Variants in MCPH1 observed in about 807,000 individuals in gnomAD.
The protein encoded by MCPH1 is microcephalin.
In MCPH1, 104 loss-of-function variants were observed where a neutral mutation model predicts 84.5. The ratio of observed to expected loss-of-function variants is 1.23; its 90% CI spans 1.05 to 1.45. MCPH1 has a LOEUF of 1.45. Among genes scored for constraint, MCPH1 ranks in the 40% most tolerant of loss-of-function variants. The pLI, the probability that MCPH1 is intolerant of heterozygous loss-of-function variation, is 0.00. For synonymous variants in MCPH1, 514 were observed against 366.8 expected (o/e 1.40, Z -4.58); for missense variants, 1,498 against 1,005.7 (o/e 1.49, Z -6.62).
At chr8:6,539,084 G>C (rs184134824) in intron 12 of MCPH1, among the ~76,000 whole-genome samples, 5 of 152,254 alleles carry the variant, frequency 3.3e-5, no homozygotes, top group African/African-American at 1.2e-4. Flanking sequence ...AAGCAGCTGT[G>C]TACTCAGCAG....
intron 12 of MCPH1, chr8:6,502,964 A>G (rs1470280273): frequency 2.1e-6 from 2 of 958,624 alleles, no homozygotes; most frequent in Non-Finnish European, 3.1e-6. Flanking sequence ...TCTAATCTGG[A>G]GCATGTGGGT....
intron 13 of MCPH1, among the ~76,000 whole-genome samples, chr8:6,630,364 C>T (rs1008546442): frequency 6.6e-6 from 1 of 152,086 alleles, no homozygotes; most frequent in African/African-American, 2.4e-5. Context: ...GCATGATGAA[C>T]AATTTAATAC....
At chr8:6,526,839 G>C (rs1268175872) in intron 12 of MCPH1, among the ~76,000 whole-genome samples, 1 of 152,168 alleles carries the variant, frequency 6.6e-6, no homozygotes, top group Non-Finnish European at 1.5e-5. Context: ...TTTGTCCCAA[G>C]TGGAACAGAC....
intron 11 of MCPH1, among the ~76,000 whole-genome samples, chr8:6,488,557 G>A (rs1266197690): frequency 5.3e-5 from 8 of 151,948 alleles, no homozygotes; most frequent in African/African-American, 1.2e-4. Flanking sequence ...TTTAATTTTC[G>A]AAAGGTGCTA....
At chr8:6,636,388 CA>C (rs1797559140) in intron 13 of MCPH1, among the ~76,000 whole-genome samples, 1 of 151,782 alleles carries the variant, frequency 6.6e-6, no homozygotes, top group African/African-American at 2.4e-5. Context: ...GCCACACAAC[CA>C]CTGATTGTCC....
At chr8:6,482,354 A>G (rs1457961241) in intron 11 of MCPH1, among the ~76,000 whole-genome samples, 1 of 152,210 alleles carries the variant, frequency 6.6e-6, no homozygotes, top group Non-Finnish European at 1.5e-5. Flanking sequence ...TACTATATAT[A>G]TAGGGTTCAG....
At chr8:6,448,936 CTG>C (rs1804739204) in intron 8 of MCPH1, among the ~76,000 whole-genome samples, 1 of 151,990 alleles carries the variant, frequency 6.6e-6, no homozygotes, top group African/African-American at 2.4e-5. Flanking sequence ...TTTATTGACA[CTG>C]GAATACATTT....
At chr8:6,555,076 G>A (rs137944938) in intron 12 of MCPH1, among the ~76,000 whole-genome samples, 45 of 152,034 alleles carry the variant, frequency 3.0e-4, no homozygotes, top group Middle Eastern at 6.8e-3. Context: ...TCCAACAAAT[G>A]GTTCATACTG....
At chr8:6,534,348 G>A (rs1162287266) in intron 12 of MCPH1, among the ~76,000 whole-genome samples, 1 of 152,004 alleles carries the variant, frequency 6.6e-6, no homozygotes, top group Non-Finnish European at 1.5e-5. Flanking sequence ...ATGTGTATAG[G>A]TTATATGCAG....
At chr8:6,445,771 A>G (rs973393865) in intron 8 of MCPH1, 24 of 1,333,364 alleles carry the variant, frequency 1.8e-5, no homozygotes, top group East Asian at 8.8e-5. Flanking sequence ...TTAGGAATCT[A>G]TTTCTCCAAG....
At chr8:6,593,959 T>C (rs900825485) in intron 12 of MCPH1, among the ~76,000 whole-genome samples, 4 of 152,346 alleles carry the variant, frequency 2.6e-5, no homozygotes, top group African/African-American at 9.6e-5. Context: ...GAAGCATGGA[T>C]AGAAGGCTGG....
intron 12 of MCPH1, among the ~76,000 whole-genome samples, chr8:6,555,482 G>A (rs1270512599): frequency 5.6e-5 from 8 of 143,092 alleles, no homozygotes; most frequent in Admixed American, 5.5e-4. Flanking sequence ...TTTTTTTGGA[G>A]ACAGGATCTC....
intron 11 of MCPH1, among the ~76,000 whole-genome samples, chr8:6,483,689 G>A (rs1010771152): frequency 5.9e-5 from 9 of 152,082 alleles, no homozygotes; most frequent in African/African-American, 1.2e-4. Context: ...GTGAAACCCC[G>A]TCTCTACCAA....
intron 12 of MCPH1, chr8:6,563,356 G>T (rs1466246093): frequency 6.4e-6 from 1 of 155,156 alleles, no homozygotes; most frequent in East Asian, 1.9e-4. Flanking sequence ...CCTGTAGGGG[G>T]TCACTAGCCA....
At chr8:6,602,537 C>T (rs943471730) in intron 12 of MCPH1, among the ~76,000 whole-genome samples, 3 of 152,052 alleles carry the variant, frequency 2.0e-5, no homozygotes, top group Admixed American at 6.6e-5. Flanking sequence ...GTGGCGGCGG[C>T]TGGGCTGTGC....
chr8:6,548,099 C>T (rs539889407), intron 12 of MCPH1, among the ~76,000 whole-genome samples: 2 of 152,272 alleles, frequency 1.3e-5, no homozygotes, highest in African/African-American at 2.4e-5. Flanking sequence ...GAAGAACCTA[C>T]ATTGGAGTTT....
chr8:6,505,064 A>C (rs1586178171), intron 12 of MCPH1, among the ~76,000 whole-genome samples: 2 of 150,130 alleles, frequency 1.3e-5, no homozygotes, highest in East Asian at 4.0e-4. Context: ...GAAAATTAAT[A>C]AATAAAGTGA....
intron 12 of MCPH1, among the ~76,000 whole-genome samples, chr8:6,575,761 C>T (rs914259230): frequency 2.6e-5 from 4 of 152,060 alleles, no homozygotes; most frequent in South Asian, 2.1e-4. Flanking sequence ...TATAAGAGGA[C>T]GGTCATGTGA....
At chr8:6,626,023 A>G in intron 13 of MCPH1, 1 of 985,378 alleles carries the variant, frequency 1.0e-6, no homozygotes, top group Non-Finnish European at 1.2e-6. Context: ...CTGGGACTGC[A>G]GCATCCGAGC....
Sources: allele counts gnomAD v4.1 joint callset (sites outside exome capture counted in the v4.1 genomes callset), GRCh38; gene constraint gnomAD v4.1.1; transcripts MANE v1.5; gene names NCBI Gene and HGNC (gene_info 2026-07-23, HGNC 2026-07-21).